The following NRXN3 variants were observed in gnomAD, a reference collection of about 807,000 sequenced individuals.
NRXN3 encodes the protein neurexin 3, also known as neurexin III.
A neutral mutation model predicts 137.6 loss-of-function variants in NRXN3; 32 were observed. The observed-to-expected ratio is 0.23, with a 90% CI of 0.18 to 0.31. The LOEUF is 0.31. Ranked by LOEUF, NRXN3 falls within the 10% of genes least tolerant of loss-of-function variation. The probability of loss-of-function intolerance (pLI) is 1.00; values close to 1 mark genes in which losing one functional copy is unlikely to be tolerated. For missense variants in NRXN3, 1,574 were observed against 2,062.5 expected, an observed-to-expected ratio of 0.76 and a Z score of 4.59; for synonymous variants, 798 against 784.5, an observed-to-expected ratio of 1.02 and a Z score of -0.29.
chr14:79,622,029 A>G (rs1285502496), intron 16 of NRXN3, among the ~76,000 whole-genome samples: 3 of 152,200 alleles, frequency 2.0e-5, no homozygotes, highest in Non-Finnish European at 4.4e-5. Context: ...ATGCAGATTG[A>G]GAGGCACTGG....
At chr14:79,257,361 G>A (rs1490336631) in intron 15 of NRXN3, among the ~76,000 whole-genome samples, 32 of 85,664 alleles carry the variant, frequency 3.7e-4, no homozygotes, top group East Asian at 1.3e-3. Flanking sequence ...GGTGGTGGTG[G>A]TGGTGGTGGT....
chr14:79,414,473 A>G (rs1329234453), intron 15 of NRXN3, among the ~76,000 whole-genome samples: 1 of 152,126 alleles, frequency 6.6e-6, no homozygotes. Flanking sequence ...ATTCTGATCT[A>G]AACCCTCAAC....
At chr14:79,226,144 T>C (rs888802077) in intron 15 of NRXN3, among the ~76,000 whole-genome samples, 1 of 152,108 alleles carries the variant, frequency 6.6e-6, no homozygotes, top group Non-Finnish European at 1.5e-5. Flanking sequence ...ACACATTAAC[T>C]GCAGCTAAGC....
chr14:79,796,709 GT>G (rs2099161991), intron 19 of NRXN3, among the ~76,000 whole-genome samples: 1 of 152,276 alleles, frequency 6.6e-6, no homozygotes, highest in South Asian at 2.1e-4. Flanking sequence ...ATTAGCAAAA[GT>G]TATTATAAGT....
At chr14:78,263,935 C>T (rs1312116096) in intron 2 of NRXN3, among the ~76,000 whole-genome samples, 2 of 133,422 alleles carry the variant, frequency 1.5e-5, no homozygotes, top group East Asian at 4.4e-4. Flanking sequence ...GTTTTCCTGA[C>T]AGGTCTAATT....
chr14:78,509,896 T>A (rs1411023923), intron 4 of NRXN3, among the ~76,000 whole-genome samples: 1 of 152,056 alleles, frequency 6.6e-6, no homozygotes, highest in Non-Finnish European at 1.5e-5. Context: ...TTGTCTGCCC[T>A]AAGAAACACA....
At chr14:79,119,917 CT>C (rs1283906697) in intron 15 of NRXN3, among the ~76,000 whole-genome samples, 10 of 152,092 alleles carry the variant, frequency 6.6e-5, no homozygotes, top group African/African-American at 2.4e-4. Context: ...TAGCATTCCC[CT>C]AATCATTGAA....
intron 4 of NRXN3, among the ~76,000 whole-genome samples, chr14:78,309,987 A>G (rs2077781394): frequency 6.6e-6 from 1 of 152,114 alleles, no homozygotes; most frequent in Admixed American, 6.6e-5. Flanking sequence ...CAGATGTTAA[A>G]ACAACTGCAA....
intron 3 of NRXN3, among the ~76,000 whole-genome samples, chr14:78,291,251 T>C (rs2075775579): frequency 6.6e-6 from 1 of 152,224 alleles, no homozygotes; most frequent in Non-Finnish European, 1.5e-5. Flanking sequence ...AGTGTGACTT[T>C]AGCTCTCAGC....
At chr14:78,258,149 A>G (rs2069987361) in intron 2 of NRXN3, among the ~76,000 whole-genome samples, 1 of 152,236 alleles carries the variant, frequency 6.6e-6, no homozygotes, top group South Asian at 2.1e-4. Context: ...GGTTTAAATG[A>G]GATAGTGCAC....
intron 16 of NRXN3, among the ~76,000 whole-genome samples, chr14:79,469,640 G>T (rs17109244): frequency 6.6e-6 from 1 of 152,148 alleles, no homozygotes; most frequent in South Asian, 2.1e-4. Context: ...TTGCTTAAAC[G>T]TTCTGTGAAA....
chr14:78,223,606 G>T (rs921002255), intron 1 of NRXN3, among the ~76,000 whole-genome samples: 5 of 152,316 alleles, frequency 3.3e-5, no homozygotes, highest in Admixed American at 3.3e-4. Flanking sequence ...AGGTTTCAGC[G>T]TTGGGTTGTG....
intron 16 of NRXN3, among the ~76,000 whole-genome samples, chr14:79,527,233 G>T (rs993503899): frequency 7.0e-6 from 1 of 143,576 alleles, no homozygotes; most frequent in African/African-American, 2.6e-5. Context: ...GGCAGAGGTT[G>T]CAGTGAGCTG....
chr14:79,161,674 A>C (rs574872265), intron 15 of NRXN3, among the ~76,000 whole-genome samples: 2 of 152,098 alleles, frequency 1.3e-5, no homozygotes, highest in South Asian at 2.1e-4. Context: ...TCAGTTGAGC[A>C]AAAACAAGTA....
At chr14:78,973,954 A>G (rs28539806) in intron 14 of NRXN3, among the ~76,000 whole-genome samples, 2 of 152,316 alleles carry the variant, frequency 1.3e-5, no homozygotes, top group Admixed American at 1.3e-4. Context: ...ACAAGCGCCT[A>G]TCTATCCAGA....
chr14:78,294,574 A>G (rs1977012), intron 3 of NRXN3, among the ~76,000 whole-genome samples: 224 of 144,146 alleles, frequency 1.6e-3, no homozygotes, highest in African/African-American at 5.3e-3. Context: ...AAAAAAAAAA[A>G]AAAAAGAAAA....
intron 19 of NRXN3, among the ~76,000 whole-genome samples, chr14:79,735,965 T>C (rs991741278): frequency 1.3e-5 from 2 of 152,178 alleles, no homozygotes; most frequent in African/African-American, 4.8e-5. Flanking sequence ...TGTACAAAAT[T>C]ACCACCCTTA....
intron 16 of NRXN3, among the ~76,000 whole-genome samples, chr14:79,551,794 G>T (rs2097374991): frequency 6.6e-6 from 1 of 152,150 alleles, no homozygotes; most frequent in Admixed American, 6.5e-5. Flanking sequence ...TACATCCCTG[G>T]GGAAGTTTCT....
chr14:79,608,379 G>T (rs910419090), intron 16 of NRXN3, among the ~76,000 whole-genome samples: 1 of 152,210 alleles, frequency 6.6e-6, no homozygotes, highest in African/African-American at 2.4e-5. Context: ...AGTGGAAATA[G>T]TGGAGGGAGA....
Sources: allele counts gnomAD v4.1 joint callset (sites outside exome capture counted in the v4.1 genomes callset), GRCh38; gene constraint gnomAD v4.1.1; transcripts MANE v1.5; gene names NCBI Gene and HGNC (gene_info 2026-07-23, HGNC 2026-07-21).